CEMIP: variants seen among roughly 807,000 people sequenced by gnomAD.
CEMIP encodes the protein cell migration inducing hyaluronidase 1.
In CEMIP, 105 loss-of-function variants were observed where a neutral mutation model predicts 156.9. That is an observed-to-expected ratio of 0.67 (90% CI 0.57 to 0.79). CEMIP has a LOEUF of 0.79. CEMIP is among the 30% of genes least tolerant of loss of function. CEMIP has a pLI of 0.00. For missense variants in CEMIP, 1,457 were observed against 1,769.4 expected (o/e 0.82, Z 3.17); for synonymous variants, 676 against 668.4 (o/e 1.01, Z -0.17).
chr15:80,797,311 C>T (rs778247564), intron 1 of CEMIP, among the ~76,000 whole-genome samples: 1 of 152,062 alleles, frequency 6.6e-6, no homozygotes, highest in Admixed American at 6.5e-5. Flanking sequence ...CATCGCTATT[C>T]GATGCCACAG....
chr15:80,797,878 A>G (rs1407777223), intron 1 of CEMIP, among the ~76,000 whole-genome samples: 1 of 152,238 alleles, frequency 6.6e-6, no homozygotes, highest in Non-Finnish European at 1.5e-5. Flanking sequence ...ACTGTGTTTT[A>G]GGCCACTGTG....
At position 80,909,225 on chromosome 15, in the gene CEMIP, C is replaced by T. The variant is rs1179957516; in HGVS notation, c.1716C>T (p.Asp572=). 1.2e-6 allele frequency: 2 copies of T among 1,613,986 alleles called. No individual in the cohort carries two copies. Among genetic ancestry groups the T allele is most frequent in the African/African-American group, 2.7e-5 (2 of 74,888 alleles). The change falls in exon 14 of 30, where the codon GAC becomes GAT. Residue 572 remains aspartate (D), a synonymous_variant. Coordinates refer to ENST00000394685, the MANE Select transcript of CEMIP (RefSeq NM_001293298.2). ...ATGTAGACGAAAGGGGAGGTTATGA[C>T]CCACCCACATACATCAGGGACCTCT... is the stretch of plus-strand genomic sequence containing the variant. ...AGDVDERGGY[D]PPTYIRDLSI...
At chr15:80,887,411 T>G (rs1334327130) in intron 7 of CEMIP, among the ~76,000 whole-genome samples, 1 of 152,212 alleles carries the variant, frequency 6.6e-6, no homozygotes, top group East Asian at 1.9e-4. Flanking sequence ...GTTTGTTTAT[T>G]TGTGATTCAT....
At chr15:80,931,817 G>A (rs368248248) in intron 21 of CEMIP, 42 bp from the exon 22 acceptor site, 1 of 1,594,000 alleles carries the variant, frequency 6.3e-7, no homozygotes, top group African/African-American at 1.3e-5. Flanking sequence ...CCATAGGAAT[G>A]GAAAACATTT....
chr15:80,899,024 C>G (rs1899348490), intron 12 of CEMIP, among the ~76,000 whole-genome samples: 1 of 152,048 alleles, frequency 6.6e-6, no homozygotes, highest in South Asian at 2.1e-4. Context: ...ACCAGCCTGG[C>G]CAACATGATG....
chr15:80,789,792 A>G (rs1427904732), intron 1 of CEMIP, among the ~76,000 whole-genome samples: 1 of 152,214 alleles, frequency 6.6e-6, no homozygotes, highest in East Asian at 1.9e-4. Flanking sequence ...TCTGAGAATG[A>G]CCATGTAGTG....
chr15:80,948,758 A>T, intron 29 of CEMIP, 39 bp from the exon 30 acceptor site: 1 of 1,613,744 alleles, frequency 6.2e-7, no homozygotes, highest in Non-Finnish European at 8.5e-7. Context: ...CCGTCCTCTC[A>T]TAGGGCTTTT....
chr15:80,911,832 G>A (rs970885158), intron 14 of CEMIP, among the ~76,000 whole-genome samples: 1 of 152,262 alleles, frequency 6.6e-6, no homozygotes, highest in African/African-American at 2.4e-5. Flanking sequence ...CAGGGGCATA[G>A]GCCTTGGGCA....
Position 80,936,751 on chromosome 15 carries a change from C to T in CEMIP, c.3087C>T (p.Tyr1029=). 1.9e-6 allele frequency: 3 copies of T among 1,614,172 alleles called. No individual in the cohort carries two copies. The highest frequency in any genetic ancestry group is 2.5e-6 in the Non-Finnish European group (3 of 1,180,002). ...ATGACTTCCCCAGCCACCCTCTTTA[C>T]CTGGAGGGGGCGCTCACCAGGAGCA... is the stretch of plus-strand genomic sequence containing the variant. The part of the protein sequence containing the change: ...IKNDFPSHPL[Y]LEGALTRSTH... The change falls in exon 24 of 30, where the codon TAC becomes TAT. Residue 1029 remains tyrosine (Y), a synonymous_variant. Coordinates refer to ENST00000394685, the MANE Select transcript of CEMIP (RefSeq NM_001293298.2).
chr15:80,943,295 C>T (rs1397313065), intron 28 of CEMIP, among the ~76,000 whole-genome samples, 193 bp downstream of exon 28: 3 of 152,234 alleles, frequency 2.0e-5, no homozygotes, highest in African/African-American at 7.2e-5. Flanking sequence ...TGGAGCTGGG[C>T]TGCTGTGAAT....
At chr15:80,882,442 A>C (rs2141831114) in intron 6 of CEMIP, among the ~76,000 whole-genome samples, 2 of 152,286 alleles carry the variant, frequency 1.3e-5, no homozygotes, top group Middle Eastern at 6.8e-3. Context: ...CTCCACGGAT[A>C]ACGGCTGACA....
At chr15:80,946,863 T>C in intron 28 of CEMIP, 102 bp from the exon 29 acceptor site, 1 of 781,442 alleles carries the variant, frequency 1.3e-6, no homozygotes, top group Non-Finnish European at 2.2e-6. Context: ...CTCTGGGCAC[T>C]GCTAACTCCA....
chr15:80,843,890 G>A (rs1353435186), intron 1 of CEMIP, among the ~76,000 whole-genome samples: 2 of 152,190 alleles, frequency 1.3e-5, no homozygotes, highest in Non-Finnish European at 2.9e-5. Flanking sequence ...ACTTTGGAAA[G>A]TATGAGACCC....
intron 3 of CEMIP, 71 bp downstream of exon 3, chr15:80,874,044 G>C: frequency 7.1e-7 from 1 of 1,407,930 alleles, no homozygotes; most frequent in African/African-American, 1.4e-5. Context: ...GAGCAAGGCT[G>C]CTTTTGGGGG....
intron 1 of CEMIP, among the ~76,000 whole-genome samples, chr15:80,853,204 C>G (rs186800207): frequency 2.6e-5 from 4 of 152,102 alleles, no homozygotes; most frequent in Admixed American, 6.5e-5. Context: ...AGAACTAAGA[C>G]TTTTGGTTGC....
intron 1 of CEMIP, among the ~76,000 whole-genome samples, chr15:80,830,001 T>TGTGTGTGTGCAC (rs1297001861): frequency 6.1e-5 from 5 of 81,476 alleles, no homozygotes; most frequent in African/African-American, 2.2e-4. Flanking sequence ...TGTGTGTGTG[T>TGTGTGTGTGCAC]GCGCGCATGT....
At chr15:80,852,397 T>TG (rs894773805) in intron 1 of CEMIP, among the ~76,000 whole-genome samples, 131 of 148,708 alleles carry the variant, frequency 8.8e-4, no homozygotes, top group Middle Eastern at 3.4e-3. Flanking sequence ...TGTGTGTGTG[T>TG]TTTTTTTTTA....
chr15:80,895,470 T>A (rs554052542), intron 11 of CEMIP, among the ~76,000 whole-genome samples: 1 of 152,222 alleles, frequency 6.6e-6, no homozygotes, highest in African/African-American at 2.4e-5. Flanking sequence ...AATGGTCGGG[T>A]TGTTCTCGGA....
chr15:80,925,807 C>A (rs568729673), intron 19 of CEMIP, 52 bp downstream of exon 19: 32 of 1,588,076 alleles, frequency 2.0e-5, no homozygotes, highest in Non-Finnish European at 2.7e-5. Context: ...GGCGCGTCTT[C>A]CCCTAGCCCC....
Sources: allele counts gnomAD v4.1 joint callset (sites outside exome capture counted in the v4.1 genomes callset), GRCh38; gene constraint gnomAD v4.1.1; transcripts MANE v1.5; gene names NCBI Gene and HGNC (gene_info 2026-07-23, HGNC 2026-07-21).